The following ZCCHC14 variants were observed in gnomAD, a reference collection of about 807,000 sequenced individuals.
The protein encoded by ZCCHC14 is zinc finger CCHC-type containing 14, also known as zinc finger CCHC domain-containing protein 14.
ZCCHC14 carries 16 observed loss-of-function variants against 85.0 expected under a neutral mutation model. That is an observed-to-expected ratio of 0.19 (90% confidence interval 0.13 to 0.29). ZCCHC14 has a LOEUF of 0.29. Among genes scored for constraint, ZCCHC14 ranks in the 10% least tolerant of loss-of-function variants. The pLI is 1.00. For synonymous variants in ZCCHC14, 775 were observed against 630.7 expected (o/e 1.23, Z -3.43); for missense variants, 1,303 against 1,443.5 (o/e 0.90, Z 1.58).
chr16:87,486,906 CAG>C (rs1912536249), intron 1 of ZCCHC14, among the ~76,000 whole-genome samples: 1 of 152,180 alleles, frequency 6.6e-6, no homozygotes, highest in Non-Finnish European at 1.5e-5. Flanking sequence ...ACAGCTGCTC[CAG>C]AGAGAGTCCG....
At position 87,411,526 on chromosome 16, in the gene ZCCHC14, G is replaced by T. The variant is rs1240776774; in HGVS notation, c.3195C>A (p.Phe1065Leu). ...AQDCKQPSMD[F>L]NRPGTFRLKY... ...ATGGCGCGCGCTTACCTGGCCGGTT[G>T]AAGTCCATGGACGGCTGTTTGCAGT... The change falls in exon 12 of 13, where the codon TTC becomes TTA. Residue 1065 changes from phenylalanine to leucine, a missense_variant. By Grantham distance (22) the Phe-to-Leu change is conservative. This residue lies in a region of ZCCHC14 where 797 missense variants were observed against 730.8 expected (regional missense o/e 1.09). Coordinates refer to ENST00000671377, the MANE Select transcript of ZCCHC14 (RefSeq NM_015144.3). 6.2e-7 allele frequency: 1 copy of T among 1,613,522 alleles called. No individual in the cohort carries two copies. The highest frequency in any genetic ancestry group is 1.1e-5 in the South Asian group (1 of 91,086).
chr16:87,457,899 G>A (rs1247452833), intron 2 of ZCCHC14, among the ~76,000 whole-genome samples: 1 of 152,176 alleles, frequency 6.6e-6, no homozygotes, highest in Non-Finnish European at 1.5e-5. Flanking sequence ...GAATGCTGCA[G>A]GTAATTAAGA....
At chr16:87,454,547 AC>A (rs1406910611) in intron 2 of ZCCHC14, among the ~76,000 whole-genome samples, 1 of 152,280 alleles carries the variant, frequency 6.6e-6, no homozygotes, top group Non-Finnish European at 1.5e-5. Flanking sequence ...TGAAGGCAAA[AC>A]AAAGATATTT....
chr16:87,469,095 T>G lies in ZCCHC14; in HGVS notation c.571-8964A>C, dbSNP rs530042592. On this transcript the variant is annotated intron_variant, in intron 1 of 12. Transcript: ENST00000671377. The stretch of plus-strand genomic sequence containing the variant: ...AAAAGTACTAGCATTTTTGTCTGTT[T>G]TTTTGGAGACATGGTCTATGTTGCC... 1.8e-4 allele frequency among the ~76,000 whole-genome samples: 27 copies of G among 152,346 alleles called. No individual in the cohort carries two copies. The East Asian group carries it at 5.0e-3, about 28-fold the overall frequency.
intron 3 of ZCCHC14, among the ~76,000 whole-genome samples, chr16:87,425,658 C>T (rs1909333678): frequency 6.6e-6 from 1 of 152,106 alleles, no homozygotes; most frequent in South Asian, 2.1e-4. Context: ...TAAAATCTCT[C>T]AACACCAAAA....
intron 1 of ZCCHC14, among the ~76,000 whole-genome samples, chr16:87,485,993 A>T (rs2150779146): frequency 6.6e-6 from 1 of 152,368 alleles, no homozygotes; most frequent in East Asian, 1.9e-4. Context: ...AATATGACAC[A>T]GAATTTCCAG....
Position 87,408,245 on chromosome 16 carries a change from G to T in ZCCHC14, c.*2035C>A, listed in dbSNP as rs1389268401. 6.6e-6 allele frequency: 1 copy of T among 152,448 alleles called. No individual in the cohort carries two copies. The highest frequency in any genetic ancestry group is 2.4e-5 in the African/African-American group (1 of 41,410). The allele number at this position is 152,448 out of a possible 1,614,324, so 9.4% of individuals were successfully genotyped here. On this transcript the variant is annotated 3_prime_UTR_variant, in exon 13 of 13. Coordinates refer to ENST00000671377, the MANE Select transcript of ZCCHC14 (RefSeq NM_015144.3). The stretch of plus-strand genomic sequence containing the variant: ...AAAAATTCCAATGTTTTTTCCTTTT[G>T]TTATGAGACGGTTTTCAACAATTTC...
At chr16:87,442,241 G>A (rs1250925480) in intron 2 of ZCCHC14, among the ~76,000 whole-genome samples, 2 of 152,184 alleles carry the variant, frequency 1.3e-5, no homozygotes, top group African/African-American at 4.8e-5. Context: ...AAACAGCACC[G>A]CCACAGCTCG....
At chr16:87,476,862 C>T (rs894236309) in intron 1 of ZCCHC14, among the ~76,000 whole-genome samples, 2 of 151,912 alleles carry the variant, frequency 1.3e-5, no homozygotes, top group African/African-American at 2.4e-5. Flanking sequence ...CGCGGTGGCT[C>T]GTGCCTGTAA....
Position 87,419,741 on chromosome 16 carries a change from T to G in ZCCHC14, c.1045+42A>C, listed in dbSNP as rs530623471. Reference sequence around the variant, plus strand: ...ATGAGCCACTGCGCCCAGCTGTTTTTTTTTTTTTTAATTTATATTTAACCA... The same window carrying G: ...ATGAGCCACTGCGCCCAGCTGTTTTGTTTTTTTTTAATTTATATTTAACCA... On this transcript the variant is annotated intron_variant, in intron 6 of 12. Transcript: ENST00000671377. 40 of 1,516,584 alleles carry G rather than the reference T, an allele frequency of 2.6e-5. No homozygotes were observed. The African/African-American group carries it at 4.4e-4, about 17-fold the overall frequency. 93.9% of individuals were successfully genotyped at this position (1,516,584 alleles called of 1,614,324 possible). A position where few individuals can be genotyped will look rare whatever the true frequency, so the allele number is the denominator to read the frequency against.
chr16:87,413,879 A>T (rs1908621938), intron 10 of ZCCHC14, among the ~76,000 whole-genome samples: 1 of 152,154 alleles, frequency 6.6e-6, no homozygotes, highest in Non-Finnish European at 1.5e-5. Context: ...GCTCGCTCTC[A>T]CTGTGGCAGT....
At chr16:87,415,692 G>C (rs181379037) in intron 8 of ZCCHC14, among the ~76,000 whole-genome samples, 27 of 152,288 alleles carry the variant, frequency 1.8e-4, no homozygotes, top group Admixed American at 1.6e-3. Context: ...TCTGCTCTGT[G>C]AGTAAATACC....
Position 87,423,894 on chromosome 16 carries a change from C to T in ZCCHC14, c.769-13G>A. 2 of 1,613,318 alleles carry T rather than the reference C, an allele frequency of 1.2e-6. No individual in the cohort carries two copies. Among genetic ancestry groups the T allele is most frequent in the Non-Finnish European group, 1.7e-6 (2 of 1,179,598 alleles). ...CAGACCACAAGACCTTAAAAACAAA[C>T]AAACAAACAAACCTTAGAAACAGAC... On this transcript the variant is annotated splice_polypyrimidine_tract_variant and intron_variant, in intron 3 of 12. Coordinates refer to ENST00000671377, the MANE Select transcript of ZCCHC14 (RefSeq NM_015144.3).
chr16:87,423,688 C>T (rs1771499904), intron 4 of ZCCHC14, 122 bp downstream of exon 4: 7 of 1,128,912 alleles, frequency 6.2e-6, no homozygotes, highest in Non-Finnish European at 9.0e-6. Context: ...GGCAGGAGGC[C>T]CCGCCCTGCG....
chr16:87,448,446 C>T (rs1910541358), intron 2 of ZCCHC14, among the ~76,000 whole-genome samples: 1 of 152,186 alleles, frequency 6.6e-6, no homozygotes, highest in African/African-American at 2.4e-5. Context: ...TCAGTCTGCC[C>T]TTTCGTGTGA....
intron 2 of ZCCHC14, among the ~76,000 whole-genome samples, chr16:87,435,504 C>T (rs935891056): frequency 1.3e-5 from 2 of 152,246 alleles, no homozygotes; most frequent in African/African-American, 4.8e-5. Context: ...CACCACCCTG[C>T]TCCTGGAGCC....
At chr16:87,430,938 G>C (rs1194982150) in intron 3 of ZCCHC14, among the ~76,000 whole-genome samples, 2 of 151,950 alleles carry the variant, frequency 1.3e-5, no homozygotes, top group Non-Finnish European at 2.9e-5. Flanking sequence ...AGGGGAGTTT[G>C]AGACCAGCCT....
chr16:87,439,507 A>C (rs1910085893), intron 2 of ZCCHC14, among the ~76,000 whole-genome samples: 1 of 152,232 alleles, frequency 6.6e-6, no homozygotes, highest in Non-Finnish European at 1.5e-5. Context: ...TGCGATTTCC[A>C]AAGTAAAGCA....
chr16:87,485,736 C>T (rs113448480), intron 1 of ZCCHC14, among the ~76,000 whole-genome samples: 8 of 152,078 alleles, frequency 5.3e-5, no homozygotes, highest in Non-Finnish European at 8.8e-5. Context: ...GATGCCCCAG[C>T]GCGAGTACCT....
Sources: gnomAD v4.1 joint callset for allele counts (sites outside exome capture counted in the v4.1 genomes callset) on GRCh38, gnomAD v4.1.1 for gene constraint, gnomAD v4.1.1 regional missense constraint, MANE v1.5 for transcripts, NCBI Gene and HGNC (gene_info 2026-07-23, HGNC 2026-07-21) for gene names.